The following USP33 variants were observed in gnomAD, a reference collection of about 807,000 sequenced individuals.
The protein encoded by USP33 is ubiquitin specific peptidase 33.
USP33 carries 46 observed loss-of-function variants against 124.2 expected under a neutral mutation model. The ratio of observed to expected loss-of-function variants is 0.37; its 90% CI spans 0.29 to 0.47. The LOEUF is 0.47. Ranked by LOEUF, USP33 falls within the 20% of genes least tolerant of loss-of-function variation. The pLI is 0.99. For synonymous variants in USP33, 350 were observed against 352.3 expected (o/e 0.99, Z 0.07); for missense variants, 851 against 1,070.6 (o/e 0.79, Z 2.86).
At chr1:77,705,377 T>C (rs969572730) in intron 21 of USP33, among the ~76,000 whole-genome samples, 1 of 151,970 alleles carries the variant, frequency 6.6e-6, no homozygotes, top group Non-Finnish European at 1.5e-5. Context: ...GTATTTTTAG[T>C]AGAGATGGGG....
At chr1:77,700,600 C>T (rs979818354) in intron 22 of USP33, among the ~76,000 whole-genome samples, 7 of 151,914 alleles carry the variant, frequency 4.6e-5, no homozygotes, top group African/African-American at 1.7e-4. Flanking sequence ...AGGGTTAAGA[C>T]CTTGTCTCTA....
At chr1:77,749,649 C>T (rs531931195) in intron 1 of USP33, among the ~76,000 whole-genome samples, 3 of 152,052 alleles carry the variant, frequency 2.0e-5, no homozygotes, top group South Asian at 2.1e-4. Context: ...CCCAAAGTGC[C>T]GGAATTACAG....
At chr1:77,700,464 C>A (rs1229798641) in intron 22 of USP33, among the ~76,000 whole-genome samples, 6 of 152,016 alleles carry the variant, frequency 3.9e-5, no homozygotes, top group Non-Finnish European at 8.8e-5. Flanking sequence ...TTTAAATTAG[C>A]CAAGTGTGGT....
intron 21 of USP33, among the ~76,000 whole-genome samples, chr1:77,702,896 AT>A (rs1674202536): frequency 6.6e-6 from 1 of 151,980 alleles, no homozygotes; most frequent in Non-Finnish European, 1.5e-5. Context: ...AATTAATCTA[AT>A]TGTAGTAGTG....
chr1:77,744,938 G>C, intron 1 of USP33, among the ~76,000 whole-genome samples: 1 of 152,180 alleles, frequency 6.6e-6, no homozygotes, highest in Non-Finnish European at 1.5e-5. Flanking sequence ...TGTCTATTAG[G>C]TCCACTTGGT....
intron 15 of USP33, 154 bp from the exon 16 acceptor site, chr1:77,718,795 G>T (rs1676212711): frequency 1.7e-6 from 1 of 588,350 alleles, no homozygotes; most frequent in Admixed American, 3.0e-5. Context: ...CAGGCATGGT[G>T]GCACATGCCT....
chr1:77,729,872 C>G lies in USP33; in HGVS notation c.705G>C (p.Gly235=). The G allele has an allele frequency of 6.2e-7, 1 of 1,613,496 alleles. No homozygotes were observed. The highest frequency in any genetic ancestry group is 2.2e-5 in the East Asian group (1 of 44,798). ...GCAATAAACTAACCTGCTGAGAATA[C>G]CCCCGAAATGTTGGATTTACAGTTT... The part of the protein sequence containing the change: ...GIKTVNPTFR[G]YSQQDAQEFL... Residue 235 remains glycine, a synonymous_variant, in exon 9 of 24, where the codon GGG becomes GGC. Transcript: ENST00000370794.
intron 1 of USP33, among the ~76,000 whole-genome samples, chr1:77,759,135 T>G (rs1001773804): frequency 6.6e-6 from 1 of 152,198 alleles, no homozygotes. Context: ...AGATCAAACA[T>G]TGGTCGAAGA....
Position 77,741,825 on chromosome 1 carries a change from T to A in USP33, c.-51-77A>T, listed in dbSNP as rs1242740936. The A allele has an allele frequency of 7.7e-6, 10 of 1,299,388 alleles. No individual in the cohort carries two copies. In the Admixed American group the frequency reaches 2.2e-4, roughly 29 times the overall value. 80.5% of individuals were successfully genotyped at this position (1,299,388 alleles called of 1,614,324 possible). The stretch of plus-strand genomic sequence containing the variant: ...GCAAAGATTCCAAAAAATAAAAAAA[T>A]TAAAATGTTAACATATTAAAAATGA... On this transcript the variant is annotated intron_variant, in intron 1 of 23. Coordinates refer to ENST00000370794, the MANE Select transcript of USP33 (RefSeq NM_201624.3).
intron 21 of USP33, among the ~76,000 whole-genome samples, chr1:77,701,880 G>T (rs1674056211): frequency 6.6e-6 from 1 of 151,900 alleles, no homozygotes; most frequent in South Asian, 2.1e-4. Flanking sequence ...ATGTTGGCCA[G>T]GCTGGTCTTG....
In USP33 at chr1:77,722,181, C is replaced by G. The variant is rs1334618666; in HGVS notation, c.1405G>C (p.Glu469Gln). The G allele has an allele frequency of 2.5e-6, 4 of 1,612,326 alleles. No homozygotes were observed. Among genetic ancestry groups the G allele is most frequent in the Non-Finnish European group, 1.7e-6 (2 of 1,179,404 alleles). Reference sequence around the variant, plus strand: ...GGCAAGGACAGATCTTGAAAGGTCTCGAGGGTTACAGACACCTAAAATTGT... The same window carrying G: ...GGCAAGGACAGATCTTGAAAGGTCTGGAGGGTTACAGACACCTAAAATTGT... The part of the protein sequence containing the change: ...LTCDRVSVTL[E>Q]TFQDLSLPIP... The change falls in exon 13 of 24, where the codon GAG becomes CAG. Residue 469 changes from glutamate (E) to glutamine (Q), a missense_variant. Glu to Gln is a conservative substitution (Grantham distance 29). Coordinates refer to ENST00000370794, the MANE Select transcript of USP33 (RefSeq NM_201624.3).
intron 1 of USP33, among the ~76,000 whole-genome samples, chr1:77,755,887 T>G (rs1408876888): frequency 6.6e-6 from 1 of 152,150 alleles, no homozygotes; most frequent in Non-Finnish European, 1.5e-5. Flanking sequence ...GGCCAGACAT[T>G]ATAAGTTTGT....
chr1:77,718,156 TTCAA>T (rs1676137603), intron 16 of USP33, 109 bp from the exon 17 acceptor site: 5 of 897,082 alleles, frequency 5.6e-6, no homozygotes, highest in African/African-American at 1.7e-5. Flanking sequence ...AACTGAGGTG[TTCAA>T]TCAAATTACA....
Position 77,716,391 on chromosome 1 carries a change from C to T in USP33, c.1919-523G>A, listed in dbSNP as rs149853648. Among the ~76,000 whole-genome samples, 24 of 152,246 alleles carry T rather than the reference C, an allele frequency of 1.6e-4. No homozygotes were observed. In the East Asian group the frequency reaches 3.7e-3, roughly 23 times the overall value. ...TGTCCCACAGACCCTGACCCAATGA[C>T]GGATGAATAAAGTACACTGACACAG... On this transcript the variant is annotated intron_variant, in intron 17 of 23. Coordinates refer to ENST00000370794, the MANE Select transcript of USP33 (RefSeq NM_201624.3).
intron 22 of USP33, 45 bp from the exon 23 acceptor site, chr1:77,697,976 A>C: frequency 2.0e-6 from 3 of 1,537,962 alleles, no homozygotes; most frequent in Non-Finnish European, 2.7e-6. Flanking sequence ...GAAATGTAAC[A>C]AAAAATTGCA....
intron 21 of USP33, among the ~76,000 whole-genome samples, chr1:77,707,359 A>C (rs993966736): frequency 3.3e-5 from 5 of 152,048 alleles, no homozygotes; most frequent in Non-Finnish European, 5.9e-5. Context: ...CTCTGCCTCC[A>C]TCTTCATGAT....
At chr1:77,722,553 T>C (rs983453407) in intron 12 of USP33, among the ~76,000 whole-genome samples, 2 of 152,160 alleles carry the variant, frequency 1.3e-5, no homozygotes, top group Admixed American at 6.5e-5. Context: ...AATTGACCTT[T>C]GATGGTAGTT....
intron 21 of USP33, among the ~76,000 whole-genome samples, chr1:77,710,939 A>C (rs1403774392): frequency 1.3e-5 from 2 of 152,002 alleles, no homozygotes; most frequent in African/African-American, 4.8e-5. Context: ...CTTGCCCATA[A>C]AACCTGGTTG....
intron 15 of USP33, among the ~76,000 whole-genome samples, chr1:77,719,541 T>C (rs1056053872): frequency 6.6e-6 from 1 of 151,868 alleles, no homozygotes; most frequent in African/African-American, 2.4e-5. Flanking sequence ...TTTATAAAAT[T>C]TGTAGTTCAA....
Sources: allele counts gnomAD v4.1 joint callset (sites outside exome capture counted in the v4.1 genomes callset), GRCh38; gene constraint gnomAD v4.1.1; transcripts MANE v1.5; gene names NCBI Gene and HGNC (gene_info 2026-07-23, HGNC 2026-07-21).